The following CCSER1 variants were observed in gnomAD, a reference collection of about 807,000 sequenced individuals.
CCSER1 encodes coiled-coil serine rich protein 1.
Under a neutral mutation model 82.0 loss-of-function variants are expected in CCSER1, and 41 were observed. The ratio of observed to expected loss-of-function variants is 0.50; its 90% CI spans 0.39 to 0.65. CCSER1 has a LOEUF of 0.65. Ranked by LOEUF, CCSER1 falls within the 30% of genes least tolerant of loss-of-function variation. The pLI is 0.00. For synonymous variants in CCSER1, 414 were observed against 383.9 expected, an observed-to-expected ratio of 1.08 and a Z score of -0.92; for missense variants, 1,119 against 1,064.2, an observed-to-expected ratio of 1.05 and a Z score of -0.72.
At chr4:90,978,363 T>G (rs1735797906) in intron 9 of CCSER1, among the ~76,000 whole-genome samples, 1 of 151,684 alleles carries the variant, frequency 6.6e-6, no homozygotes, top group Admixed American at 6.6e-5. Flanking sequence ...AAGCACTCAA[T>G]AATACTTTCT....
At chr4:90,932,980 A>AAGAAAGAG (rs1730218042) in intron 9 of CCSER1, among the ~76,000 whole-genome samples, 3 of 21,938 alleles carry the variant, frequency 1.4e-4, no homozygotes, top group African/African-American at 2.7e-4. Context: ...GAAAGAAAGA[A>AAGAAAGAG]AGAGAAAGAA....
At chr4:90,532,760 T>G (rs1209338351) in intron 5 of CCSER1, among the ~76,000 whole-genome samples, 1 of 152,202 alleles carries the variant, frequency 6.6e-6, no homozygotes, top group African/African-American at 2.4e-5. Flanking sequence ...GTTTTACATT[T>G]CCCTAGGATA....
At chr4:90,322,083 T>C (rs1385680008) in intron 3 of CCSER1, among the ~76,000 whole-genome samples, 1 of 152,116 alleles carries the variant, frequency 6.6e-6, no homozygotes, top group Non-Finnish European at 1.5e-5. Flanking sequence ...AGAGTTTCCC[T>C]AATGTTTTCT....
chr4:90,866,548 A>G (rs1402341110), intron 8 of CCSER1, among the ~76,000 whole-genome samples: 3 of 152,092 alleles, frequency 2.0e-5, no homozygotes, highest in Non-Finnish European at 2.9e-5. Context: ...AAGAAAACCC[A>G]TTAAATTTAG....
At chr4:90,179,123 AAAATAGTAC>A (rs1317032690) in intron 1 of CCSER1, among the ~76,000 whole-genome samples, 1 of 152,178 alleles carries the variant, frequency 6.6e-6, no homozygotes, top group Non-Finnish European at 1.5e-5. Context: ...TATTGTAAAT[AAAATAGTAC>A]TCTGGGACAC....
intron 10 of CCSER1, among the ~76,000 whole-genome samples, chr4:91,529,872 G>A (rs538443340): frequency 2.5e-4 from 38 of 152,132 alleles, no homozygotes; most frequent in Non-Finnish European, 5.0e-4. Context: ...TAAAATCCAC[G>A]TCAGAGGGAA....
At chr4:90,862,311 A>G (rs2149991404) in intron 8 of CCSER1, among the ~76,000 whole-genome samples, 1 of 152,056 alleles carries the variant, frequency 6.6e-6, no homozygotes, top group South Asian at 2.1e-4. Context: ...GTAAATAATT[A>G]TGTACGTTAG....
At chr4:90,217,571 T>C (rs1017537142) in intron 1 of CCSER1, among the ~76,000 whole-genome samples, 2 of 152,154 alleles carry the variant, frequency 1.3e-5, no homozygotes, top group Non-Finnish European at 2.9e-5. Context: ...TTCTCCTATT[T>C]GGATGCCTTT....
intron 10 of CCSER1, among the ~76,000 whole-genome samples, chr4:91,454,492 A>C (rs746683649): frequency 2.6e-5 from 4 of 152,100 alleles, no homozygotes; most frequent in South Asian, 2.1e-4. Context: ...ATAATCCAGG[A>C]TAATCTCCCC....
intron 6 of CCSER1, among the ~76,000 whole-genome samples, chr4:90,667,359 T>G (rs1731982348): frequency 6.6e-6 from 1 of 152,154 alleles, no homozygotes; most frequent in Non-Finnish European, 1.5e-5. Context: ...TTATTATTAT[T>G]ATACTTTAAG....
rs550279694 is a variant in CCSER1 at position 90,816,611 on chromosome 4, A to G, written c.2094+766A>G. Among the ~76,000 whole-genome samples, 3 of 152,196 alleles carry G rather than the reference A, an allele frequency of 2.0e-5. No individual in the cohort carries two copies. In the South Asian group the frequency reaches 6.2e-4, roughly 31 times the overall value. On this transcript the variant is annotated intron_variant, in intron 8 of 10. Transcript: ENST00000509176. ...GAAAGAAATAAGAAGAGATATTTTT[A>G]ATTCATCATTCATTTTTACACTAAT...
At chr4:90,512,486 C>A (rs1285731406) in intron 5 of CCSER1, among the ~76,000 whole-genome samples, 2 of 152,032 alleles carry the variant, frequency 1.3e-5, no homozygotes, top group Non-Finnish European at 2.9e-5. Context: ...CTTAGTAGTT[C>A]AACAGACTGA....
chr4:91,203,483 T>C (rs1736095170), intron 10 of CCSER1, among the ~76,000 whole-genome samples: 2 of 151,682 alleles, frequency 1.3e-5, no homozygotes. Context: ...GGAGGTTATA[T>C]TCTAGAGGAA....
chr4:90,264,532 A>G (rs1724907294), intron 1 of CCSER1, among the ~76,000 whole-genome samples: 1 of 152,176 alleles, frequency 6.6e-6, no homozygotes. Flanking sequence ...CAAGAGAAGA[A>G]CTGACAAGAA....
chr4:91,204,462 C>T (rs912487908), intron 10 of CCSER1, among the ~76,000 whole-genome samples: 4 of 151,716 alleles, frequency 2.6e-5, no homozygotes, highest in Admixed American at 2.0e-4. Flanking sequence ...GAAATCCCAC[C>T]CCCCAAAATA....
intron 10 of CCSER1, among the ~76,000 whole-genome samples, chr4:91,563,290 C>A (rs1762739211): frequency 6.6e-6 from 1 of 151,628 alleles, no homozygotes; most frequent in South Asian, 2.1e-4. Context: ...TACTAGGTAA[C>A]TGAATTCAAT....
chr4:90,890,505 A>C (rs1483886860), intron 8 of CCSER1, among the ~76,000 whole-genome samples: 8 of 152,156 alleles, frequency 5.3e-5, no homozygotes, highest in African/African-American at 1.7e-4. Flanking sequence ...GCTTTAGGAA[A>C]CTAAGGCCTA....
chr4:91,207,811 T>C (rs1212916678), intron 10 of CCSER1, among the ~76,000 whole-genome samples: 2 of 151,906 alleles, frequency 1.3e-5, no homozygotes, highest in Non-Finnish European at 2.9e-5. Context: ...GCCACACTGC[T>C]TTCCCCAATG....
At chr4:90,788,425 G>T (rs1215531885) in intron 7 of CCSER1, among the ~76,000 whole-genome samples, 2 of 152,262 alleles carry the variant, frequency 1.3e-5, no homozygotes, top group African/African-American at 2.4e-5. Context: ...TGAGATGAAG[G>T]TGTTGGTAGG....
Sources: gnomAD v4.1 joint callset for allele counts (sites outside exome capture counted in the v4.1 genomes callset) on GRCh38, gnomAD v4.1.1 for gene constraint, MANE v1.5 for transcripts, NCBI Gene and HGNC (gene_info 2026-07-23, HGNC 2026-07-21) for gene names.